HMCN1: variants seen among roughly 807,000 people sequenced by gnomAD.
HMCN1 encodes the protein hemicentin-1.
HMCN1 carries 321 observed loss-of-function variants against 625.9 expected under a neutral mutation model. That is an observed-to-expected ratio of 0.51 (90% CI 0.47 to 0.56). The LOEUF is 0.56. Among genes scored for constraint, HMCN1 ranks in the 20% least tolerant of loss-of-function variants. The pLI is 0.00. For missense variants in HMCN1, 6,588 were observed against 6,887.3 expected (o/e 0.96, Z 1.54); for synonymous variants, 2,425 against 2,417.6 (o/e 1.00, Z -0.09).
chr1:186,156,640 TGGG>T (rs1651039071), intron 97 of HMCN1, among the ~76,000 whole-genome samples: 1 of 152,196 alleles, frequency 6.6e-6, no homozygotes, highest in South Asian at 2.1e-4. Context: ...TATCTCATTT[TGGG>T]AGCCTGTCCT....
At chr1:186,006,187 T>C (rs1653621258) in intron 29 of HMCN1, among the ~76,000 whole-genome samples, 1 of 151,780 alleles carries the variant, frequency 6.6e-6, no homozygotes, top group Non-Finnish European at 1.5e-5. Context: ...TACTTTATTC[T>C]CTTAACTTTT....
chr1:185,819,131 G>A (rs761982868), intron 1 of HMCN1, among the ~76,000 whole-genome samples: 2 of 151,834 alleles, frequency 1.3e-5, no homozygotes, highest in South Asian at 4.2e-4. Context: ...CAGCTACTCG[G>A]GAGGCTGAAG....
chr1:185,976,576 T>C (rs1651232796), intron 15 of HMCN1, among the ~76,000 whole-genome samples: 1 of 152,116 alleles, frequency 6.6e-6, no homozygotes, highest in Admixed American at 6.6e-5. Context: ...GTTAATATAA[T>C]CACAAAGAAT....
chr1:186,000,626 A>T (rs1449885404), intron 26 of HMCN1, among the ~76,000 whole-genome samples: 1 of 151,284 alleles, frequency 6.6e-6, no homozygotes, highest in Non-Finnish European at 1.5e-5. Context: ...TTTTATGAAT[A>T]TAGAAAGAAA....
At chr1:186,183,187 CA>C (rs1236708200) in intron 105 of HMCN1, among the ~76,000 whole-genome samples, 1 of 152,094 alleles carries the variant, frequency 6.6e-6, no homozygotes, top group Non-Finnish European at 1.5e-5. Flanking sequence ...ATAAAAGCTC[CA>C]AAAGAGTGCT....
chr1:186,076,428 T>A lies in HMCN1; in HGVS notation c.8291T>A (p.Val2764Asp). 6.2e-7 allele frequency: 1 copy of A among 1,613,374 alleles called. No individual in the cohort carries two copies. Among genetic ancestry groups the A allele is most frequent in the Non-Finnish European group, 8.5e-7 (1 of 1,179,622 alleles). ...AACATTTAATGCCTTTCCTCCATAG[T>A]TCCTCCAAGTTTTCAGAAACTCTGG... is the stretch of plus-strand genomic sequence containing the variant. ...DELDFDVNIQ[V>D]PPSFQKLWEI... Residue 2764 changes from valine to aspartate, a missense_variant and splice_region_variant, in exon 54 of 107, where the codon GTT (valine) becomes GAT (aspartate). Val to Asp is a radical substitution (Grantham distance 152). Coordinates refer to ENST00000271588, the MANE Select transcript of HMCN1 (RefSeq NM_031935.3).
chr1:185,868,584 G>A (rs1255273672), intron 4 of HMCN1, among the ~76,000 whole-genome samples: 4 of 152,022 alleles, frequency 2.6e-5, no homozygotes, highest in Non-Finnish European at 5.9e-5. Flanking sequence ...TCCCCCTTCC[G>A]TCATGATTAT....
intron 97 of HMCN1, among the ~76,000 whole-genome samples, chr1:186,160,076 T>C (rs934193992): frequency 6.6e-6 from 1 of 151,650 alleles, no homozygotes; most frequent in Admixed American, 6.6e-5. Flanking sequence ...TGGTAAGCTA[T>C]TGATTATTGC....
At chr1:185,827,560 A>G (rs1660602036) in intron 1 of HMCN1, among the ~76,000 whole-genome samples, 2 of 152,132 alleles carry the variant, frequency 1.3e-5, no homozygotes, top group Non-Finnish European at 1.5e-5. Flanking sequence ...GAGGAAAGTG[A>G]GCAAAATGAA....
At position 186,166,918 on chromosome 1, in the gene HMCN1, AC is replaced by A; in HGVS notation, c.15552del (p.Ser5185LeufsTer4). 6.2e-7 allele frequency: 1 copy of A among 1,613,510 alleles called. No homozygotes were observed. The highest frequency in any genetic ancestry group is 1.1e-5 in the South Asian group (1 of 91,046). Reference protein sequence around the residue: ...VVRCGSGFRRTSDGLSCQDIN... With the variant: ...VVRCGSGFRRXSDGLSCQDIN... ...CCGTTGTGGAAGTGGCTTTCGAAGA[AC>A]CTCTGATGGGCTGAGTTGTCAAGGT... On this transcript the variant is annotated frameshift_variant, in exon 100 of 107. Transcript: ENST00000271588. LOFTEE classifies it high-confidence loss of function.
intron 15 of HMCN1, among the ~76,000 whole-genome samples, chr1:185,974,340 G>T (rs1228746165): frequency 1.3e-5 from 2 of 152,122 alleles, no homozygotes; most frequent in Non-Finnish European, 2.9e-5. Context: ...TTATATCTCA[G>T]TGATTATTAT....
At position 186,172,198 on chromosome 1, in the gene HMCN1, T is replaced by C. The variant is rs1292866259; in HGVS notation, c.15814+67T>C. 5.0e-6 allele frequency: 8 copies of C among 1,592,064 alleles called. No individual in the cohort carries two copies. In the Admixed American group the frequency reaches 1.2e-4, roughly 23 times the overall value. On this transcript the variant is annotated intron_variant, in intron 102 of 106. Coordinates refer to ENST00000271588, the MANE Select transcript of HMCN1 (RefSeq NM_031935.3). ...TCAACAAGTCAAGTAAGGCATTCATTTTAAAAGAAGTGATTAGAGTAAATT... is the reference window on the plus strand; with the variant it reads ...TCAACAAGTCAAGTAAGGCATTCATCTTAAAAGAAGTGATTAGAGTAAATT...
Position 185,933,751 on chromosome 1 carries a change from T to C in HMCN1, c.1755T>C (p.Asp585=). The C allele has an allele frequency of 1.2e-6, 2 of 1,613,980 alleles. No individual in the cohort carries two copies. Among genetic ancestry groups the C allele is most frequent in the Non-Finnish European group, 8.5e-7 (1 of 1,179,868 alleles). The change falls in exon 11 of 107, where the codon GAT becomes GAC. Residue 585 remains aspartate, a synonymous_variant. Coordinates refer to ENST00000271588, the MANE Select transcript of HMCN1 (RefSeq NM_031935.3). ...SLELKSVKFN[D]AGEYHCMVSS... ...AGCTAAAGAGTGTGAAATTCAACGA[T>C]GCTGGAGAGTATCATTGTATGGTTT...
At chr1:186,039,346 G>A (rs984653544) in intron 38 of HMCN1, among the ~76,000 whole-genome samples, 4 of 152,064 alleles carry the variant, frequency 2.6e-5, no homozygotes, top group African/African-American at 7.2e-5. Flanking sequence ...ATGCTTTTAA[G>A]ACGAGTTGGT....
At chr1:185,894,233 A>T (rs1368946038) in intron 4 of HMCN1, among the ~76,000 whole-genome samples, 1 of 152,232 alleles carries the variant, frequency 6.6e-6, no homozygotes, top group East Asian at 1.9e-4. Context: ...TCCTTCGTAT[A>T]AATGAAATCA....
At chr1:185,905,583 T>C (rs1486755038) in intron 4 of HMCN1, among the ~76,000 whole-genome samples, 1 of 151,796 alleles carries the variant, frequency 6.6e-6, no homozygotes, top group Non-Finnish European at 1.5e-5. Flanking sequence ...ATTCTTCAAG[T>C]TCTGTTCACG....
intron 1 of HMCN1, among the ~76,000 whole-genome samples, chr1:185,793,016 AACTTGTAGACAGT>A (rs1433250345): frequency 2.0e-5 from 3 of 152,202 alleles, no homozygotes; most frequent in African/African-American, 7.2e-5. Context: ...TTGGAAAAAC[AACTTGTAGACAGT>A]TACAGCTTCA....
At chr1:185,769,406 C>A (rs1656080831) in intron 1 of HMCN1, among the ~76,000 whole-genome samples, 1 of 151,992 alleles carries the variant, frequency 6.6e-6, no homozygotes, top group Middle Eastern at 3.2e-3. Flanking sequence ...ATGACTGTGC[C>A]ACTGCATACC....
At chr1:186,056,899 A>C (rs1657364236) in intron 45 of HMCN1, among the ~76,000 whole-genome samples, 1 of 151,904 alleles carries the variant, frequency 6.6e-6, no homozygotes, top group South Asian at 2.1e-4. Context: ...TCTAAAATGA[A>C]AGTTGAAATT....
Sources: gnomAD v4.1 joint callset for allele counts (sites outside exome capture counted in the v4.1 genomes callset) on GRCh38, gnomAD v4.1.1 for gene constraint, MANE v1.5 for transcripts, NCBI Gene and HGNC (gene_info 2026-07-23, HGNC 2026-07-21) for gene names.